The following FGF12 variants were observed in gnomAD, a reference collection of about 807,000 sequenced individuals.
FGF12 encodes the protein fibroblast growth factor 12B.
FGF12 carries 14 observed loss-of-function variants against 23.6 expected under a neutral mutation model. That is an observed-to-expected ratio of 0.59 (90% CI 0.39 to 0.93). FGF12 has a LOEUF of 0.93. FGF12 is among the 40% of genes least tolerant of loss of function. FGF12 has a pLI of 0.00. For missense variants in FGF12, 175 were observed against 217.8 expected (o/e 0.80, Z 1.24); for synonymous variants, 62 against 77.3 (o/e 0.80, Z 1.04).
At chr3:192,472,730 T>C (rs1723208526) in intron 2 of FGF12, among the ~76,000 whole-genome samples, 1 of 152,132 alleles carries the variant, frequency 6.6e-6, no homozygotes, top group African/African-American at 2.4e-5. Context: ...ATTCTCTTGC[T>C]CTCCCTGCTG....
intron 2 of FGF12, among the ~76,000 whole-genome samples, chr3:192,686,481 C>T (rs1177227631): frequency 2.6e-5 from 4 of 152,118 alleles, no homozygotes; most frequent in African/African-American, 7.2e-5. Flanking sequence ...ATCTCACCGA[C>T]CTCATGCCCC....
chr3:192,323,365 G>A (rs1035377537), intron 4 of FGF12, among the ~76,000 whole-genome samples: 1 of 152,272 alleles, frequency 6.6e-6, no homozygotes, highest in East Asian at 1.9e-4. Flanking sequence ...ATGCCCAATG[G>A]AATATTATCC....
intron 2 of FGF12, among the ~76,000 whole-genome samples, chr3:192,506,764 A>G (rs564707626): frequency 6.6e-6 from 1 of 152,286 alleles, no homozygotes; most frequent in Non-Finnish European, 1.5e-5. Context: ...ATTTTTGGCC[A>G]CAAAGAGTCT....
At chr3:192,515,502 T>C (rs1199033707) in intron 2 of FGF12, 1 of 152,520 alleles carries the variant, frequency 6.6e-6, no homozygotes, top group Non-Finnish European at 1.5e-5. Context: ...GGGCTCTGTG[T>C]CCTTGGGTAA....
rs537578594 is a variant in FGF12 at position 192,517,970 on chromosome 3, A to T, written c.14-157432T>A. Reference sequence around the variant, plus strand: ...CATAACATCCCAAAAAAGACAAAACAAAACAAAAAAAATAGCCAGGAGCAC... The same window carrying T: ...CATAACATCCCAAAAAAGACAAAACTAAACAAAAAAAATAGCCAGGAGCAC... On this transcript the variant is annotated intron_variant, in intron 2 of 5. Coordinates refer to ENST00000445105, the MANE Select transcript of FGF12 (RefSeq NM_004113.6). Among the ~76,000 whole-genome samples, 16 of 152,266 alleles carry T rather than the reference A, an allele frequency of 1.1e-4. No homozygotes were observed. The South Asian group carries it at 3.1e-3, about 30-fold the overall frequency.
At chr3:192,198,681 T>G (rs951768420) in intron 4 of FGF12, among the ~76,000 whole-genome samples, 6 of 152,324 alleles carry the variant, frequency 3.9e-5, no homozygotes, top group Middle Eastern at 3.4e-3. Flanking sequence ...GTTCTCCAAA[T>G]TCCTGAAATT....
intron 2 of FGF12, among the ~76,000 whole-genome samples, chr3:192,400,381 T>TTG (rs1720710373): frequency 6.6e-6 from 1 of 150,534 alleles, no homozygotes; most frequent in African/African-American, 2.4e-5. Flanking sequence ...TTTTTTTTTT[T>TTG]TTTTTGAGAC....
chr3:192,386,892 G>A (rs1156376778), intron 2 of FGF12, among the ~76,000 whole-genome samples: 1 of 152,190 alleles, frequency 6.6e-6, no homozygotes, highest in Non-Finnish European at 1.5e-5. Flanking sequence ...AATGTTTCAG[G>A]TACAGGGCTA....
At chr3:192,511,321 A>G (rs573099448) in intron 2 of FGF12, among the ~76,000 whole-genome samples, 1 of 152,184 alleles carries the variant, frequency 6.6e-6, no homozygotes, top group African/African-American at 2.4e-5. Context: ...TCAGATTGAG[A>G]CTTAACCCAG....
intron 4 of FGF12, among the ~76,000 whole-genome samples, chr3:192,242,542 GATCA>G (rs1719675659): frequency 6.6e-6 from 1 of 151,998 alleles, no homozygotes; most frequent in African/African-American, 2.4e-5. Flanking sequence ...AGCAAGTAAT[GATCA>G]GTCAGGGAAA....
At chr3:192,289,229 T>C (rs1198171748) in intron 4 of FGF12, among the ~76,000 whole-genome samples, 1 of 152,210 alleles carries the variant, frequency 6.6e-6, no homozygotes, top group Admixed American at 6.6e-5. Flanking sequence ...GGCTCCATTC[T>C]AAGTGCTGGG....
At chr3:192,158,145 A>G (rs910143351) in intron 5 of FGF12, among the ~76,000 whole-genome samples, 1 of 152,070 alleles carries the variant, frequency 6.6e-6, no homozygotes, top group Admixed American at 6.6e-5. Flanking sequence ...CCCAAACCTC[A>G]TGGTTGTACA....
chr3:192,218,231 T>C (rs1214175951), intron 4 of FGF12, among the ~76,000 whole-genome samples: 1 of 152,196 alleles, frequency 6.6e-6, no homozygotes, highest in Non-Finnish European at 1.5e-5. Context: ...TTTGAGTTCA[T>C]CTTGTGGCAG....
At chr3:192,162,244 A>T (rs971499703) in intron 5 of FGF12, among the ~76,000 whole-genome samples, 4 of 152,086 alleles carry the variant, frequency 2.6e-5, no homozygotes, top group Non-Finnish European at 4.4e-5. Flanking sequence ...TTAATGTTAC[A>T]TGGGATCCTT....
intron 2 of FGF12, among the ~76,000 whole-genome samples, chr3:192,364,718 A>G (rs1718892016): frequency 6.6e-6 from 1 of 152,208 alleles, no homozygotes; most frequent in Admixed American, 6.6e-5. Context: ...CCTGAATAAC[A>G]GGTAAAGGAA....
chr3:192,187,749 G>A (rs952138849), intron 4 of FGF12, among the ~76,000 whole-genome samples: 4 of 149,356 alleles, frequency 2.7e-5, no homozygotes, highest in Non-Finnish European at 1.5e-5. Flanking sequence ...ATAAACGAAA[G>A]GAGAGAGAGA....
At chr3:192,549,130 C>T (rs1228776637) in intron 2 of FGF12, among the ~76,000 whole-genome samples, 1 of 152,102 alleles carries the variant, frequency 6.6e-6, no homozygotes, top group Non-Finnish European at 1.5e-5. Context: ...TTTAAAAATG[C>T]TATCAAAGCT....
At chr3:192,251,156 T>C (rs921188190) in intron 4 of FGF12, among the ~76,000 whole-genome samples, 1 of 152,126 alleles carries the variant, frequency 6.6e-6, no homozygotes, top group African/African-American at 2.4e-5. Context: ...ACAACTCACT[T>C]TTGTCTGTTG....
At chr3:192,190,166 A>G (rs1333641253) in intron 4 of FGF12, among the ~76,000 whole-genome samples, 2 of 152,196 alleles carry the variant, frequency 1.3e-5, no homozygotes, top group Non-Finnish European at 2.9e-5. Context: ...TAACTTCTCT[A>G]GGATCAAACA....
Sources: gnomAD v4.1 joint callset for allele counts (sites outside exome capture counted in the v4.1 genomes callset) on GRCh38, gnomAD v4.1.1 for gene constraint, MANE v1.5 for transcripts, NCBI Gene and HGNC (gene_info 2026-07-23, HGNC 2026-07-21) for gene names.